Variants in SLC7A1 observed in about 807,000 individuals in gnomAD.
SLC7A1 encodes solute carrier family 7 member 1.
SLC7A1 carries 10 observed loss-of-function variants against 53.9 expected under a neutral mutation model. The ratio of observed to expected loss-of-function variants is 0.19; its 90% confidence interval spans 0.11 to 0.31. SLC7A1 has a LOEUF of 0.31. SLC7A1 is among the 10% of genes least tolerant of loss of function. SLC7A1 has a pLI of 1.00. For synonymous variants in SLC7A1, 342 were observed against 338.7 expected, an observed-to-expected ratio of 1.01 and a Z score of -0.11; for missense variants, 525 against 827.2, an observed-to-expected ratio of 0.63 and a Z score of 4.48.
intron 2 of SLC7A1, among the ~76,000 whole-genome samples, chr13:29,547,467 G>A (rs985299861): frequency 2.0e-5 from 3 of 152,140 alleles, no homozygotes; most frequent in Admixed American, 6.5e-5. Flanking sequence ...GATGGATTAC[G>A]TGTTACATTA....
chr13:29,586,472 G>A (rs1005074686), intron 1 of SLC7A1, among the ~76,000 whole-genome samples: 6 of 152,238 alleles, frequency 3.9e-5, no homozygotes, highest in Non-Finnish European at 7.4e-5. Context: ...ACGGAACATG[G>A]GAAATTGCAC....
At chr13:29,566,419 A>C (rs897494495) in intron 1 of SLC7A1, among the ~76,000 whole-genome samples, 16 of 152,260 alleles carry the variant, frequency 1.1e-4, no homozygotes, top group African/African-American at 3.9e-4. Context: ...TGGTACATCC[A>C]GACAAAGGAA....
At chr13:29,556,008 C>T (rs748992335) in intron 1 of SLC7A1, among the ~76,000 whole-genome samples, 4 of 152,146 alleles carry the variant, frequency 2.6e-5, no homozygotes, top group Non-Finnish European at 5.9e-5. Context: ...CACAGCGGAA[C>T]CCACGATTGC....
intron 1 of SLC7A1, 34 bp downstream of exon 1, chr13:29,595,382 G>A (rs1872268127): frequency 1.3e-5 from 2 of 151,812 alleles, no homozygotes; most frequent in Non-Finnish European, 2.9e-5. Flanking sequence ...GGCCCAAGGA[G>A]CTGCCCCCTG....
chr13:29,514,400 G>T lies in SLC7A1; in HGVS notation c.*80C>A. 1 of 987,270 alleles carries T rather than the reference G, an allele frequency of 1.0e-6. No homozygotes were observed. Among genetic ancestry groups the T allele is most frequent in the Non-Finnish European group, 1.6e-6 (1 of 637,048 alleles). The allele number at this position is 987,270 out of a possible 1,614,324, so 61.2% of individuals were successfully genotyped here. ...GACGCAGGTGGTTTCTGTTGCACTG[G>T]TGGGGAGGGTGGGGTGCCTCCCGGT... On this transcript the variant is annotated 3_prime_UTR_variant, in exon 13 of 13. Coordinates refer to ENST00000380752, the MANE Select transcript of SLC7A1 (RefSeq NM_003045.5).
intron 1 of SLC7A1, among the ~76,000 whole-genome samples, chr13:29,574,898 C>G (rs11838366): frequency 0.066 from 10,048 of 152,190 alleles, 1,101 homozygotes; most frequent in African/African-American, 0.23. Context: ...CCTGCCTCGG[C>G]CTCCCAAAGT....
chr13:29,518,621 C>T (rs1252650048), intron 9 of SLC7A1, among the ~76,000 whole-genome samples: 1 of 152,104 alleles, frequency 6.6e-6, no homozygotes, highest in Non-Finnish European at 1.5e-5. Context: ...AATAAGGGGT[C>T]CCCAATAGTC....
chr13:29,547,667 A>G (rs1566264495), intron 2 of SLC7A1, among the ~76,000 whole-genome samples: 1 of 152,240 alleles, frequency 6.6e-6, no homozygotes, highest in Admixed American at 6.5e-5. Flanking sequence ...AATTAAGGGA[A>G]AGAAAATCTC....
intron 1 of SLC7A1, among the ~76,000 whole-genome samples, chr13:29,573,544 C>G (rs1238337106): frequency 6.6e-6 from 1 of 152,144 alleles, no homozygotes; most frequent in Non-Finnish European, 1.5e-5. Context: ...CACATCGTCC[C>G]CTTTCAAAGT....
intron 2 of SLC7A1, among the ~76,000 whole-genome samples, chr13:29,541,069 G>A (rs1267632401): frequency 6.6e-6 from 1 of 152,176 alleles, no homozygotes; most frequent in Non-Finnish European, 1.5e-5. Flanking sequence ...GGTGGGAGAA[G>A]GGGATGCTGG....
intron 1 of SLC7A1, among the ~76,000 whole-genome samples, chr13:29,585,655 C>T (rs1457984719): frequency 6.6e-6 from 1 of 152,100 alleles, no homozygotes; most frequent in Non-Finnish European, 1.5e-5. Flanking sequence ...GAAAGGCTTT[C>T]CCAGCACCGG....
chr13:29,538,745 G>T (rs1869536362), intron 2 of SLC7A1, among the ~76,000 whole-genome samples: 1 of 152,280 alleles, frequency 6.6e-6, no homozygotes, highest in African/African-American at 2.4e-5. Flanking sequence ...TAAGTTGGAA[G>T]GGAAAATGCA....
At chr13:29,543,435 C>T (rs1869757028) in intron 2 of SLC7A1, among the ~76,000 whole-genome samples, 2 of 150,378 alleles carry the variant, frequency 1.3e-5, no homozygotes, top group Admixed American at 1.3e-4. Context: ...GTCCTTCAGG[C>T]CTCCCTGACT....
intron 1 of SLC7A1, among the ~76,000 whole-genome samples, chr13:29,591,101 C>A (rs1872090305): frequency 6.6e-6 from 1 of 151,952 alleles, no homozygotes; most frequent in Admixed American, 6.6e-5. Flanking sequence ...CAGAGTGTGA[C>A]CCTATCTCAA....
chr13:29,561,947 T>C (rs1870777550), intron 1 of SLC7A1, among the ~76,000 whole-genome samples: 1 of 152,224 alleles, frequency 6.6e-6, no homozygotes, highest in South Asian at 2.1e-4. Context: ...CTTCCAGTCC[T>C]GAAAGTCCAA....
intron 1 of SLC7A1, among the ~76,000 whole-genome samples, chr13:29,566,802 A>C (rs1389335837): frequency 1.3e-5 from 2 of 152,224 alleles, no homozygotes; most frequent in Non-Finnish European, 2.9e-5. Context: ...AGTCAAGAGG[A>C]GCCCTATCCA....
At chr13:29,518,501 G>A (rs555275815) in intron 9 of SLC7A1, among the ~76,000 whole-genome samples, 2 of 152,326 alleles carry the variant, frequency 1.3e-5, no homozygotes, top group South Asian at 2.1e-4. Context: ...CTAAGAGGGA[G>A]TATAAAGATA....
At chr13:29,560,006 C>A (rs1285752772) in intron 1 of SLC7A1, among the ~76,000 whole-genome samples, 2 of 151,808 alleles carry the variant, frequency 1.3e-5, no homozygotes, top group Non-Finnish European at 2.9e-5. Context: ...TGAGCCATTG[C>A]ACCCGGACCT....
chr13:29,528,906 T>C (rs901390109), intron 5 of SLC7A1, among the ~76,000 whole-genome samples: 8 of 152,212 alleles, frequency 5.3e-5, no homozygotes, highest in Non-Finnish European at 1.0e-4. Flanking sequence ...TAAATACCAT[T>C]GGCTGGCACA....
Sources: allele counts gnomAD v4.1 joint callset (sites outside exome capture counted in the v4.1 genomes callset), GRCh38; gene constraint gnomAD v4.1.1; transcripts MANE v1.5; gene names NCBI Gene and HGNC (gene_info 2026-07-23, HGNC 2026-07-21).